The following RP1 variants were observed in gnomAD, a reference collection of about 807,000 sequenced individuals.
RP1 encodes the protein oxygen-regulated protein 1.
A neutral mutation model predicts 14.8 loss-of-function variants in RP1; 16 were observed. The ratio of observed to expected loss-of-function variants is 1.08; its 90% confidence interval spans 0.73 to 1.65. RP1 has a LOEUF of 1.65. Ranked by LOEUF, RP1 falls within the 40% of genes most tolerant of loss-of-function variation. The pLI is 0.00. For missense variants in RP1, 2,631 were observed against 2,535.0 expected (o/e 1.04, Z -0.81); for synonymous variants, 876 against 883.6 (o/e 0.99, Z 0.15).
In RP1 at chr8:54,722,398, G is replaced by A. The variant is rs1192329352; in HGVS notation, c.2389+2092G>A. 3.9e-5 allele frequency among the ~76,000 whole-genome samples: 6 copies of A among 151,904 alleles called. No individual in the cohort carries two copies. In the East Asian group the frequency reaches 1.2e-3, roughly 30 times the overall value. ...CCATTCCCCTGCCTCAGCCTCCCGAGTATCTGGGACTACAGGCGCCCGCCA... is the reference window on the plus strand; with the variant it reads ...CCATTCCCCTGCCTCAGCCTCCCGAATATCTGGGACTACAGGCGCCCGCCA... On this transcript the variant is annotated intron_variant, in intron 16 of 22. Coordinates refer to the RP1 transcript ENST00000636932.
chr8:54,755,855 G>A (rs970930976), intron 21 of RP1: 1 of 1,242,866 alleles, frequency 8.0e-7, no homozygotes, highest in East Asian at 2.7e-5. Flanking sequence ...AAGGCGTTTG[G>A]CACTCTTCAA....
chr8:54,635,298 T>G (rs916846709), downstream of RP1, among the ~76,000 whole-genome samples: 2 of 152,136 alleles, frequency 1.3e-5, no homozygotes, highest in Admixed American at 6.5e-5. Flanking sequence ...CTTTTCATCT[T>G]GAGAATAGTT....
intron 1 of RP1, among the ~76,000 whole-genome samples, chr8:54,604,431 T>C (rs924330465): frequency 6.6e-6 from 1 of 152,222 alleles, no homozygotes; most frequent in African/African-American, 2.4e-5. Context: ...GCTGCTGGAT[T>C]CATTTTGCCA....
chr8:54,629,839 G>C lies in RP1; in HGVS notation c.5957G>C (p.Gly1986Ala), dbSNP rs1351329198. The change falls in exon 4 of 4, where the codon GGT becomes GCT. Residue 1986 changes from glycine (G) to alanine (A), a missense_variant. Gly to Ala is a moderately conservative substitution (Grantham distance 60). Coordinates refer to ENST00000220676, the MANE Select transcript of RP1 (RefSeq NM_006269.2). ...CAAAATCTTATTGATAATGCCATTG[G>C]TGATATATTTGATCAGTTTTATTTC... ...MRQNLIDNAI[G>A]DIFDQFYFSN... 1 of 1,613,504 alleles carries C rather than the reference G, an allele frequency of 6.2e-7. No homozygotes were observed. Among genetic ancestry groups the C allele is most frequent in the Admixed American group, 1.7e-5 (1 of 59,956 alleles).
At chr8:54,725,320 AT>A (rs1250933987) in intron 16 of RP1, among the ~76,000 whole-genome samples, 1 of 151,900 alleles carries the variant, frequency 6.6e-6, no homozygotes, top group East Asian at 1.9e-4. Flanking sequence ...TTTATTATCG[AT>A]TTTTAGTGTC....
At chr8:54,739,665 T>C (rs569500601) in intron 19 of RP1, among the ~76,000 whole-genome samples, 104 of 152,176 alleles carry the variant, frequency 6.8e-4, no homozygotes, top group African/African-American at 2.3e-3. Context: ...ATCTCTTTCA[T>C]GGTTCCTTGC....
intron 3 of RP1, among the ~76,000 whole-genome samples, chr8:54,640,124 T>TA (rs1806427400): frequency 7.2e-5 from 11 of 152,140 alleles, no homozygotes; most frequent in African/African-American, 2.6e-4. Context: ...TTTTTTTTTT[T>TA]TAAATATACT....
At chr8:54,620,896 T>G in intron 1 of RP1, 59 bp from the exon 2 acceptor site, 1 of 1,440,686 alleles carries the variant, frequency 6.9e-7, no homozygotes, top group Non-Finnish European at 9.8e-7. Flanking sequence ...CATGCATTAG[T>G]ATTACCATGT....
chr8:54,789,578 A>T (rs1232652260), intron 24 of RP1, among the ~76,000 whole-genome samples: 2 of 152,178 alleles, frequency 1.3e-5, no homozygotes, highest in African/African-American at 4.8e-5. Context: ...CCTACCGTGA[A>T]GCCCAGTCTA....
chr8:54,821,870 A>C (rs1318711294), intron 24 of RP1, among the ~76,000 whole-genome samples: 1 of 152,146 alleles, frequency 6.6e-6, no homozygotes, highest in Non-Finnish European at 1.5e-5. Context: ...TCCAGTGTTC[A>C]AGCAGGAAAA....
At chr8:54,778,327 T>C (rs1426653260) in intron 23 of RP1, among the ~76,000 whole-genome samples, 1 of 146,964 alleles carries the variant, frequency 6.8e-6, no homozygotes, top group Non-Finnish European at 1.5e-5. Context: ...TCTTCTTTTT[T>C]TTTTTTTTTT....
chr8:54,627,778 T>C lies in RP1; in HGVS notation c.3896T>C (p.Leu1299Pro). 6 of 1,614,172 alleles carry C rather than the reference T, an allele frequency of 3.7e-6. No individual in the cohort carries two copies. Among genetic ancestry groups the C allele is most frequent in the Non-Finnish European group, 5.1e-6 (6 of 1,179,990 alleles). ...DQTSMNKACF[L>P]GEVCSLTDTV... The stretch of plus-strand genomic sequence containing the variant: ...ACTTCTATGAATAAGGCTTGTTTCC[T>C]AGGAGAGGTCTGTTCACTTACTGAT... Residue 1299 changes from leucine (L) to proline (P), a missense_variant, in exon 4 of 4, where the codon CTA becomes CCA. Coordinates refer to ENST00000220676, the MANE Select transcript of RP1 (RefSeq NM_006269.2).
chr8:54,776,672 A>C (rs1024203114), intron 23 of RP1, among the ~76,000 whole-genome samples: 4 of 152,212 alleles, frequency 2.6e-5, no homozygotes, highest in African/African-American at 9.6e-5. Context: ...TTTGGCAGCA[A>C]GTATCAAGGA....
At chr8:54,670,573 GTA>G (rs1205494531) in intron 7 of RP1, among the ~76,000 whole-genome samples, 3 of 133,180 alleles carry the variant, frequency 2.3e-5, no homozygotes, top group East Asian at 4.2e-4. Context: ...ACATATATAT[GTA>G]TGTATATGTA....
intron 4 of RP1, among the ~76,000 whole-genome samples, chr8:54,651,381 G>A (rs1806652557): frequency 6.6e-6 from 1 of 152,078 alleles, no homozygotes; most frequent in Non-Finnish European, 1.5e-5. Context: ...ATTCACCAAT[G>A]AAGCCTTCTG....
In RP1 at chr8:54,627,434, C is replaced by G. The variant is rs1806097213; in HGVS notation, c.3552C>G (p.Ala1184=). ...EEADDLKAAV[A]NLVESTTSHF... Reference sequence around the variant, plus strand: ...CTGATGACTTGAAAGCTGCTGTTGCCAATTTAGTGGAGTCAACTACAAGCC... The same window carrying G: ...CTGATGACTTGAAAGCTGCTGTTGCGAATTTAGTGGAGTCAACTACAAGCC... The change falls in exon 4 of 4, where the codon GCC becomes GCG. Residue 1184 remains alanine, a synonymous_variant. Transcript: ENST00000220676. The G allele has an allele frequency of 6.2e-7, 1 of 1,614,100 alleles. No homozygotes were observed. Among genetic ancestry groups the G allele is most frequent in the Non-Finnish European group, 8.5e-7 (1 of 1,179,994 alleles).
intron 1 of RP1, among the ~76,000 whole-genome samples, chr8:54,580,364 TG>T (rs1206172713): frequency 7.3e-6 from 1 of 137,076 alleles, no homozygotes; most frequent in African/African-American, 2.7e-5. Context: ...TGGAGTGCAG[TG>T]GTGTGATCTC....
At position 54,730,067 on chromosome 8, in the gene RP1, T is replaced by C. The variant is rs150677968; in HGVS notation, c.2521+3591T>C. Among the ~76,000 whole-genome samples the C allele has an allele frequency of 4.3e-3, 647 of 152,204 alleles. 4 individuals are homozygous for C. The highest frequency in any genetic ancestry group is 0.01 in the South Asian group (50 of 4,822). ...CATAGATTGAGGATTTGAAGGGACC[T>C]CTGACACATCATAAGCAACATAGAG... On this transcript the variant is annotated intron_variant, in intron 17 of 22. Transcript: ENST00000636932.
At position 54,616,211 on chromosome 8, in the gene RP1, A is replaced by G. The variant is rs987793119; in HGVS notation, c.-13+9A>G. On this transcript the variant is annotated intron_variant, in intron 1 of 3. Coordinates refer to ENST00000220676, the MANE Select transcript of RP1 (RefSeq NM_006269.2). ...GGACGTTTCAAGTTGTGGTAAGTAC[A>G]AAACTATTTGAAATCTTTCTTTGGA... 1 of 152,252 alleles carries G rather than the reference A, an allele frequency of 6.6e-6. No individual in the cohort carries two copies. Among genetic ancestry groups the G allele is most frequent in the Admixed American group, 6.5e-5 (1 of 15,282 alleles). 9.4% of individuals were successfully genotyped at this position (152,252 alleles called of 1,614,324 possible).
Sources: gnomAD v4.1 joint callset for allele counts (sites outside exome capture counted in the v4.1 genomes callset) on GRCh38, gnomAD v4.1.1 for gene constraint, MANE v1.5 for transcripts, NCBI Gene and HGNC (gene_info 2026-07-23, HGNC 2026-07-21) for gene names.